The following GAS2 variants were observed in gnomAD, a reference collection of about 807,000 sequenced individuals.
GAS2 encodes growth arrest specific 2.
A neutral mutation model predicts 37.5 loss-of-function variants in GAS2; 20 were observed. That is an observed-to-expected ratio of 0.53 (90% CI 0.37 to 0.77). The LOEUF is 0.77. GAS2 is among the 30% of genes least tolerant of loss of function. The pLI, the probability that GAS2 is intolerant of heterozygous loss-of-function variation, is 0.00. For missense variants in GAS2, 336 were observed against 373.4 expected, an observed-to-expected ratio of 0.90 and a Z score of 0.82; for synonymous variants, 144 against 132.2, an observed-to-expected ratio of 1.09 and a Z score of -0.61.
intron 7 of GAS2, among the ~76,000 whole-genome samples, chr11:22,799,326 A>G (rs1312244611): frequency 3.3e-5 from 5 of 152,122 alleles, no homozygotes; most frequent in African/African-American, 4.8e-5. Flanking sequence ...TGAAAATTTT[A>G]TGAAGCAATT....
At chr11:22,705,760 A>G (rs889032293) in intron 3 of GAS2, among the ~76,000 whole-genome samples, 4 of 152,348 alleles carry the variant, frequency 2.6e-5, no homozygotes, top group South Asian at 2.1e-4. Context: ...AGCAAGGGAT[A>G]ATAACATTAA....
At chr11:22,659,349 C>T (rs1848891408) in intron 1 of GAS2, among the ~76,000 whole-genome samples, 2 of 152,186 alleles carry the variant, frequency 1.3e-5, no homozygotes, top group Non-Finnish European at 2.9e-5. Flanking sequence ...TGCAACCCCT[C>T]CCCTTTAAGA....
chr11:22,626,182 T>G, intron 1 of GAS2: 2 of 311,496 alleles, frequency 6.4e-6, no homozygotes, highest in South Asian at 3.1e-5. Context: ...TGTTGAGGTT[T>G]TTCAAAATTA....
chr11:22,652,991 T>TTC (rs769554594), intron 1 of GAS2, among the ~76,000 whole-genome samples: 22 of 6,298 alleles, frequency 3.5e-3, no homozygotes, highest in Admixed American at 0.015. Context: ...CTTTCTTTCT[T>TTC]TGTCTTTCTT....
chr11:22,703,344 G>A (rs1212320744), intron 3 of GAS2, among the ~76,000 whole-genome samples: 2 of 152,134 alleles, frequency 1.3e-5, no homozygotes, highest in Non-Finnish European at 2.9e-5. Flanking sequence ...TGCGGTCAAT[G>A]CTTTCAAAGC....
intron 3 of GAS2, among the ~76,000 whole-genome samples, chr11:22,689,283 A>G (rs1269341465): frequency 6.6e-6 from 1 of 152,160 alleles, no homozygotes; most frequent in East Asian, 1.9e-4. Context: ...ACCTAAAATA[A>G]AAGTTAAAAA....
At chr11:22,746,951 A>G (rs1853439986) in intron 5 of GAS2, among the ~76,000 whole-genome samples, 1 of 152,178 alleles carries the variant, frequency 6.6e-6, no homozygotes, top group African/African-American at 2.4e-5. Context: ...TCTTAATGTG[A>G]GTATTGTTGG....
At chr11:22,711,428 G>C (rs891504347) in intron 3 of GAS2, among the ~76,000 whole-genome samples, 1 of 152,196 alleles carries the variant, frequency 6.6e-6, no homozygotes, top group African/African-American at 2.4e-5. Context: ...GGTGAGGTAA[G>C]CTCCTAGGTG....
intron 3 of GAS2, among the ~76,000 whole-genome samples, chr11:22,714,550 C>G (rs1590694908): frequency 6.6e-6 from 1 of 152,266 alleles, no homozygotes; most frequent in African/African-American, 2.4e-5. Context: ...ACAGAATATT[C>G]TATCCAACAA....
chr11:22,666,188 A>C (rs1848982746), upstream of GAS2, among the ~76,000 whole-genome samples: 1 of 152,200 alleles, frequency 6.6e-6, no homozygotes, highest in African/African-American at 2.4e-5. Flanking sequence ...TGAAAGAAGG[A>C]AGGGTGGAAT....
chr11:22,771,062 G>T (rs1448085754), intron 7 of GAS2, among the ~76,000 whole-genome samples: 2 of 151,944 alleles, frequency 1.3e-5, no homozygotes, highest in Non-Finnish European at 2.9e-5. Context: ...GTTGAGGGAA[G>T]TTGGGCACTC....
At chr11:22,798,906 A>C (rs1856544310) in intron 7 of GAS2, among the ~76,000 whole-genome samples, 1 of 152,128 alleles carries the variant, frequency 6.6e-6, no homozygotes, top group South Asian at 2.1e-4. Context: ...AATTTTGAGC[A>C]TATGCCATTT....
At chr11:22,775,694 G>T (rs1174272239) in intron 7 of GAS2, among the ~76,000 whole-genome samples, 1 of 151,864 alleles carries the variant, frequency 6.6e-6, no homozygotes, top group Non-Finnish European at 1.5e-5. Context: ...AAACCTCCGG[G>T]TAATATCAAT....
At chr11:22,769,474 G>T (rs1469025208) in intron 7 of GAS2, among the ~76,000 whole-genome samples, 3 of 152,146 alleles carry the variant, frequency 2.0e-5, no homozygotes, top group African/African-American at 7.2e-5. Flanking sequence ...TTTCCCTCAT[G>T]TACAGCACTC....
At chr11:22,799,524 A>C (rs1476433285) in intron 7 of GAS2, among the ~76,000 whole-genome samples, 1 of 151,940 alleles carries the variant, frequency 6.6e-6, no homozygotes, top group Non-Finnish European at 1.5e-5. Context: ...TTCTCAATAC[A>C]ATCTCCCACT....
upstream of GAS2, among the ~76,000 whole-genome samples, chr11:22,666,312 G>T (rs374962620): frequency 1.3e-5 from 2 of 152,216 alleles, no homozygotes; most frequent in African/African-American, 4.8e-5. Context: ...AAGAGTGGCC[G>T]AAGTTACTGG....
chr11:22,776,108 G>C (rs1199731773), intron 7 of GAS2, among the ~76,000 whole-genome samples: 1 of 152,170 alleles, frequency 6.6e-6, no homozygotes. Flanking sequence ...TTGATTTTCA[G>C]TAGCAGAGAG....
In GAS2 at chr11:22,812,381, A is replaced by G. The variant is rs1157333584; in HGVS notation, c.*365A>G. ...AACAGAAAGTGCCTGCTTTACACTCATGAGTAAAAGCACTCCAGACATTTT... is the reference window on the plus strand; with the variant it reads ...AACAGAAAGTGCCTGCTTTACACTCGTGAGTAAAAGCACTCCAGACATTTT... On this transcript the variant is annotated 3_prime_UTR_variant, in exon 8 of 8. Transcript: ENST00000454584. 2 of 167,204 alleles carry G rather than the reference A, an allele frequency of 1.2e-5. No individual in the cohort carries two copies. Among genetic ancestry groups the G allele is most frequent in the African/African-American group, 4.8e-5 (2 of 41,584 alleles). 10.4% of individuals were successfully genotyped at this position (167,204 alleles called of 1,614,324 possible). A position where few individuals can be genotyped will look rare whatever the true frequency, so the allele number is the denominator to read the frequency against.
At chr11:22,731,361 A>G (rs1165356212) in intron 4 of GAS2, 2 of 449,274 alleles carry the variant, frequency 4.5e-6, no homozygotes, top group Non-Finnish European at 8.9e-6. Flanking sequence ...TGCTTCATCT[A>G]TTTCTCTGAG....
Sources: gnomAD v4.1 joint callset for allele counts (sites outside exome capture counted in the v4.1 genomes callset) on GRCh38, gnomAD v4.1.1 for gene constraint, MANE v1.5 for transcripts, NCBI Gene and HGNC (gene_info 2026-07-23, HGNC 2026-07-21) for gene names.